The following GPC3 variants were observed in gnomAD, a reference collection of about 807,000 sequenced individuals.
The protein encoded by GPC3 is glypican 3.
A neutral mutation model predicts 34.4 loss-of-function variants in GPC3; 3 were observed. The observed-to-expected ratio is 0.09, with a 90% CI of 0.04 to 0.23. The LOEUF is 0.23. Ranked by LOEUF, GPC3 falls within the 10% of genes least tolerant of loss-of-function variation. The probability of loss-of-function intolerance (pLI) is 1.00; values close to 1 mark genes in which losing one functional copy is unlikely to be tolerated. For synonymous variants in GPC3, 177 were observed against 174.0 expected, an observed-to-expected ratio of 1.02 and a Z score of -0.13; for missense variants, 351 against 445.6, an observed-to-expected ratio of 0.79 and a Z score of 1.91.
In GPC3 at chrX:133,772,419, C is replaced by T. The variant is rs780059399; in HGVS notation, c.338-18243G>A. On this transcript the variant is annotated intron_variant, in intron 2 of 7. Coordinates refer to ENST00000370818, the MANE Select transcript of GPC3 (RefSeq NM_004484.4). ...AGAAAGGTCTGCTCCCGACAAACAA[C>T]CAGGTGAATACATTCACCATGATAG... 1.2e-4 allele frequency among the ~76,000 whole-genome samples: 13 copies of T among 111,628 alleles called. No homozygotes were observed. The South Asian group carries it at 5.0e-3, about 43-fold the overall frequency.
rs767844345 is a variant in GPC3 at position 133,880,638 on chromosome X, C to T, written c.337+72412G>A. 1.7e-4 allele frequency among the ~76,000 whole-genome samples: 19 copies of T among 111,861 alleles called. No individual in the cohort carries two copies. In the South Asian group the frequency reaches 3.0e-3, roughly 18 times the overall value. On this transcript the variant is annotated intron_variant, in intron 2 of 7. Coordinates refer to ENST00000370818, the MANE Select transcript of GPC3 (RefSeq NM_004484.4). The stretch of plus-strand genomic sequence containing the variant: ...AAAAATCATATAATGTGATCCACCA[C>T]GGTAAAAGACTGGTTGTTTCTCCAG...
intron 6 of GPC3, among the ~76,000 whole-genome samples, chrX:133,640,462 G>A (rs1279136885): frequency 8.9e-6 from 1 of 111,948 alleles, no homozygotes; most frequent in Non-Finnish European, 1.9e-5. Context: ...AGAGACACAT[G>A]CAAATCCTCA....
intron 3 of GPC3, among the ~76,000 whole-genome samples, chrX:133,733,730 C>T (rs968861353): frequency 2.7e-5 from 3 of 110,825 alleles, no homozygotes; most frequent in African/African-American, 9.8e-5. Context: ...GCCTTATATA[C>T]ATAAAAAGAA....
At chrX:133,726,449 G>A (rs998337042) in intron 3 of GPC3, among the ~76,000 whole-genome samples, 2 of 111,616 alleles carry the variant, frequency 1.8e-5, no homozygotes, top group African/African-American at 3.3e-5. Flanking sequence ...CAGTTGTCTC[G>A]ATCACTCTAA....
At chrX:133,764,899 C>A (rs189234125) in intron 2 of GPC3, among the ~76,000 whole-genome samples, 78 of 111,634 alleles carry the variant, frequency 7.0e-4, no homozygotes, top group Non-Finnish European at 1.1e-3. Context: ...TCAGCTAATT[C>A]TTGGTTGATT....
chrX:133,796,006 C>T (rs1603249187), intron 2 of GPC3, among the ~76,000 whole-genome samples: 1 of 94,604 alleles, frequency 1.1e-5, no homozygotes, highest in Admixed American at 1.3e-4. Flanking sequence ...AGTGCAGTGG[C>T]GCAATCTTGG....
chrX:133,941,827 A>C (rs1237185524), intron 2 of GPC3, among the ~76,000 whole-genome samples: 1 of 112,759 alleles, frequency 8.9e-6, no homozygotes, highest in Non-Finnish European at 1.9e-5. Flanking sequence ...AGCATTCTGA[A>C]TATACAAAGA....
chrX:133,545,665 C>A (rs1187131261), intron 7 of GPC3, among the ~76,000 whole-genome samples: 1 of 111,653 alleles, frequency 9.0e-6, no homozygotes, highest in Non-Finnish European at 1.9e-5. Context: ...CCTCACCAGT[C>A]TGTACAACCA....
chrX:133,760,260 C>T (rs1365265556), intron 2 of GPC3, among the ~76,000 whole-genome samples: 1 of 111,919 alleles, frequency 8.9e-6, no homozygotes, highest in Non-Finnish European at 1.9e-5. Flanking sequence ...CATACTCTTA[C>T]CATGTGATCC....
At chrX:133,827,173 G>A (rs1444596929) in intron 2 of GPC3, among the ~76,000 whole-genome samples, 1 of 111,821 alleles carries the variant, frequency 8.9e-6, no homozygotes, top group South Asian at 3.7e-4. Context: ...CAAAAACTGA[G>A]AGAATTTGTT....
intron 2 of GPC3, among the ~76,000 whole-genome samples, chrX:133,795,559 T>A (rs2075574257): frequency 9.0e-6 from 1 of 111,509 alleles, no homozygotes; most frequent in Non-Finnish European, 1.9e-5. Context: ...CCCAGTGAAG[T>A]GTAATTTTTC....
chrX:133,546,005 CG>C (rs2069382711), intron 7 of GPC3, among the ~76,000 whole-genome samples: 1 of 111,042 alleles, frequency 9.0e-6, no homozygotes, highest in African/African-American at 3.3e-5. Context: ...AGCAAACAAA[CG>C]GGGATGTCAA....
At chrX:133,899,572 C>T (rs756252887) in intron 2 of GPC3, among the ~76,000 whole-genome samples, 2 of 111,189 alleles carry the variant, frequency 1.8e-5, no homozygotes, top group Non-Finnish European at 3.8e-5. Context: ...CTGTAAGATC[C>T]CAGAGAACAG....
chrX:133,724,678 G>T (rs1486662107), intron 3 of GPC3, among the ~76,000 whole-genome samples: 1 of 111,492 alleles, frequency 9.0e-6, no homozygotes, highest in East Asian at 2.8e-4. Context: ...TAGAATGAAA[G>T]GGATTGAATT....
chrX:133,536,415 T>TG, intron 7 of GPC3, 122 bp from the exon 8 acceptor site: 4 of 267,649 alleles, frequency 1.5e-5, no homozygotes, highest in Non-Finnish European at 2.7e-5. Context: ...CCCTTTTTTA[T>TG]GGGGGAGAAA....
At chrX:133,823,207 A>G (rs1439420228) in intron 2 of GPC3, among the ~76,000 whole-genome samples, 5 of 105,326 alleles carry the variant, frequency 4.7e-5, no homozygotes, top group African/African-American at 1.7e-4. Context: ...GAGAATAACA[A>G]TTTGAATGAC....
chrX:133,769,946 G>C (rs2071896479), intron 2 of GPC3, among the ~76,000 whole-genome samples: 1 of 112,368 alleles, frequency 8.9e-6, no homozygotes, highest in Non-Finnish European at 1.9e-5. Context: ...GCATAAAGCA[G>C]TGACTCAGCC....
chrX:133,930,793 G>A (rs1427701572), intron 2 of GPC3, among the ~76,000 whole-genome samples: 5 of 111,408 alleles, frequency 4.5e-5, no homozygotes, highest in African/African-American at 1.3e-4. Context: ...GTGTCACCAC[G>A]CCTGGCTAAT....
chrX:133,786,169 G>A (rs2072098687), intron 2 of GPC3, among the ~76,000 whole-genome samples: 1 of 112,188 alleles, frequency 8.9e-6, no homozygotes, highest in Non-Finnish European at 1.9e-5. Flanking sequence ...GAGGTGGGTG[G>A]ATCACCTGAG....
Sources: gnomAD v4.1 joint callset for allele counts (sites outside exome capture counted in the v4.1 genomes callset) on GRCh38, gnomAD v4.1.1 for gene constraint, MANE v1.5 for transcripts, NCBI Gene and HGNC (gene_info 2026-07-23, HGNC 2026-07-21) for gene names.